The following REEP1 variants were observed in gnomAD, a reference collection of about 807,000 sequenced individuals.
The protein encoded by REEP1 is receptor accessory protein 1.
Under a neutral mutation model 40.3 loss-of-function variants are expected in REEP1, and 22 were observed. That is an observed-to-expected ratio of 0.55 (90% CI 0.39 to 0.78). REEP1 has a LOEUF of 0.78. REEP1 is among the 30% of genes least tolerant of loss of function. The pLI, the probability that REEP1 is intolerant of heterozygous loss-of-function variation, is 0.00. For synonymous variants in REEP1, 116 were observed against 139.2 expected (o/e 0.83, Z 1.17); for missense variants, 280 against 361.1 (o/e 0.78, Z 1.82).
intron 5 of REEP1, among the ~76,000 whole-genome samples, chr2:86,234,719 A>G (rs148218945): frequency 4.6e-4 from 70 of 152,326 alleles, no homozygotes; most frequent in African/African-American, 1.7e-3. Flanking sequence ...AAAAAGACAG[A>G]AATCACCCTG....
At chr2:86,273,422 T>A (rs935486235) in intron 2 of REEP1, among the ~76,000 whole-genome samples, 4 of 152,036 alleles carry the variant, frequency 2.6e-5, no homozygotes, top group African/African-American at 7.2e-5. Context: ...TAGCTGGGAC[T>A]ATAGGTGCAT....
intron 1 of REEP1, among the ~76,000 whole-genome samples, chr2:86,283,982 T>A (rs1678244003): frequency 6.6e-6 from 1 of 151,368 alleles, no homozygotes; most frequent in Non-Finnish European, 1.5e-5. Flanking sequence ...ACTGGGGGGA[T>A]GAGAGAGTAG....
At chr2:86,243,430 G>T (rs1189251524) in intron 5 of REEP1, among the ~76,000 whole-genome samples, 1 of 152,162 alleles carries the variant, frequency 6.6e-6, no homozygotes, top group East Asian at 1.9e-4. Flanking sequence ...TCCACAGGTA[G>T]CCACAGAACA....
At chr2:86,247,275 C>A (rs1296365773) in intron 5 of REEP1, among the ~76,000 whole-genome samples, 2 of 152,228 alleles carry the variant, frequency 1.3e-5, no homozygotes, top group Middle Eastern at 3.4e-3. Flanking sequence ...ATCAACACTT[C>A]CCGGGGATAG....
chr2:86,247,696 G>A (rs572785145), intron 5 of REEP1, among the ~76,000 whole-genome samples: 2 of 151,852 alleles, frequency 1.3e-5, no homozygotes, highest in Non-Finnish European at 2.9e-5. Context: ...TCAGCCTTCC[G>A]AGTAGCTGGG....
intron 2 of REEP1, among the ~76,000 whole-genome samples, chr2:86,267,113 T>C (rs1186250992): frequency 6.6e-6 from 1 of 151,584 alleles, no homozygotes; most frequent in African/African-American, 2.4e-5. Context: ...CAGGGCAACA[T>C]AGTGAGAGCC....
chr2:86,241,410 T>C (rs1249303240), intron 5 of REEP1, among the ~76,000 whole-genome samples: 2 of 152,150 alleles, frequency 1.3e-5, no homozygotes, highest in Non-Finnish European at 2.9e-5. Context: ...ATCCTCATTC[T>C]TTCACCCTGC....
chr2:86,309,495 C>G (rs571276173), intron 1 of REEP1, among the ~76,000 whole-genome samples: 36 of 152,254 alleles, frequency 2.4e-4, no homozygotes, highest in Non-Finnish European at 4.3e-4. Flanking sequence ...TTTACAGCTC[C>G]TGCCTCTTGA....
chr2:86,233,063 C>T (rs1180169162), intron 5 of REEP1, among the ~76,000 whole-genome samples: 8 of 152,178 alleles, frequency 5.3e-5, no homozygotes, highest in Non-Finnish European at 8.8e-5. Context: ...TATGATGATA[C>T]GATGATACGA....
upstream of REEP1, chr2:86,337,881 G>T (rs565240591): frequency 3.9e-5 from 35 of 905,800 alleles, no homozygotes; most frequent in South Asian, 5.5e-4. This position sits in a 1 kb window ranked among gnomAD's most constrained non-coding sequence, Gnocchi z 5.8. Context: ...TGCAGGGCAG[G>T]GACCCGGGTG....
intron 7 of REEP1, among the ~76,000 whole-genome samples, chr2:86,227,007 T>A (rs895722944): frequency 6.6e-6 from 1 of 152,140 alleles, no homozygotes; most frequent in Non-Finnish European, 1.5e-5. Context: ...ACCTGCCACG[T>A]TGTAAGGACT....
At chr2:86,270,171 TTTTG>T (rs199623683) in intron 2 of REEP1, among the ~76,000 whole-genome samples, 52,118 of 108,744 alleles carry the variant, frequency 0.48, 9,660 homozygotes, top group Non-Finnish European at 0.58. Context: ...ATCATTTTTC[TTTTG>T]TTTGTTTGTT....
chr2:86,259,782 A>G (rs1033109256), intron 3 of REEP1, among the ~76,000 whole-genome samples: 3 of 152,190 alleles, frequency 2.0e-5, no homozygotes, highest in African/African-American at 7.2e-5. Context: ...GACCATAAAT[A>G]ATTGTTGTTT....
intron 7 of REEP1, among the ~76,000 whole-genome samples, chr2:86,226,096 C>CCACCACCACCATCAT (rs1674673474): frequency 4.1e-5 from 6 of 144,772 alleles, no homozygotes; most frequent in African/African-American, 1.0e-4. Flanking sequence ...ACCACCACCA[C>CCACCACCACCATCAT]CACCACCACC....
chr2:86,323,695 G>A (rs540439626), intron 1 of REEP1, among the ~76,000 whole-genome samples: 1 of 152,292 alleles, frequency 6.6e-6, no homozygotes, highest in Admixed American at 6.5e-5. Flanking sequence ...AAAGGCTGGG[G>A]ACCACTGCAC....
chr2:86,220,780 T>C (rs1321313862), intron 7 of REEP1, among the ~76,000 whole-genome samples: 4 of 151,652 alleles, frequency 2.6e-5, no homozygotes, highest in Admixed American at 2.0e-4. Context: ...CAGATGCCTC[T>C]GCCAAAAAAA....
chr2:86,323,491 C>T (rs913085511), intron 1 of REEP1, among the ~76,000 whole-genome samples: 10 of 152,154 alleles, frequency 6.6e-5, no homozygotes, highest in African/African-American at 2.4e-4. Flanking sequence ...GTCAGATCAG[C>T]AGCGGCATTA....
intron 3 of REEP1, among the ~76,000 whole-genome samples, chr2:86,259,216 G>A (rs552158999): frequency 2.1e-4 from 32 of 150,748 alleles, no homozygotes; most frequent in African/African-American, 6.6e-4. Flanking sequence ...CTTGAACCTC[G>A]GAGGCAGAGA....
At chr2:86,240,745 G>A (rs1675626010) in intron 5 of REEP1, among the ~76,000 whole-genome samples, 1 of 152,318 alleles carries the variant, frequency 6.6e-6, no homozygotes, top group Non-Finnish European at 1.5e-5. Context: ...GTTGAATGAT[G>A]AGAACATCCT....
Sources: allele counts gnomAD v4.1 joint callset (sites outside exome capture counted in the v4.1 genomes callset), GRCh38; gene constraint gnomAD v4.1.1; non-coding constraint Gnocchi (gnomAD v3.1); transcripts MANE v1.5; gene names NCBI Gene and HGNC (gene_info 2026-07-23, HGNC 2026-07-21).